Variants in SI observed in about 807,000 individuals in gnomAD.
The protein encoded by SI is sucrase-isomaltase, also known as sucrase-isomaltase, intestinal.
In SI, 235 loss-of-function variants were observed where a neutral mutation model predicts 253.3. That is an observed-to-expected ratio of 0.93 (90% CI 0.83 to 1.03). SI has a LOEUF of 1.03. Among genes scored for constraint, SI ranks in the 50% least tolerant of loss-of-function variants. The probability of loss-of-function intolerance (pLI) is 0.00; values close to 1 mark genes in which losing one functional copy is unlikely to be tolerated. For synonymous variants in SI, 819 were observed against 712.0 expected (o/e 1.15, Z -2.39); for missense variants, 2,442 against 2,211.1 (o/e 1.10, Z -2.09).
intron 25 of SI, among the ~76,000 whole-genome samples, chr3:165,028,508 C>A (rs1347647708): frequency 6.6e-6 from 1 of 151,356 alleles, no homozygotes; most frequent in Non-Finnish European, 1.5e-5. Flanking sequence ...AAGAACAAAT[C>A]TGGAGGCATC....
intron 37 of SI, among the ~76,000 whole-genome samples, chr3:165,001,950 A>T (rs1359196983): frequency 1.3e-5 from 2 of 151,548 alleles, no homozygotes; most frequent in African/African-American, 4.8e-5. Flanking sequence ...TATCTGCAAA[A>T]ATAATTTATA....
intron 12 of SI, among the ~76,000 whole-genome samples, chr3:165,058,468 C>G (rs1713810945): frequency 1.3e-5 from 2 of 151,600 alleles, no homozygotes; most frequent in South Asian, 4.2e-4. Context: ...GAAAAACAAA[C>G]AGTACAAAAC....
At chr3:165,040,089 T>G in intron 18 of SI, 118 bp from the exon 19 acceptor site, 2 of 785,718 alleles carry the variant, frequency 2.5e-6, no homozygotes, top group Non-Finnish European at 4.4e-6. Flanking sequence ...GAATTGTGCT[T>G]GTTTCAGATG....
At chr3:164,980,897 T>TA (rs1334427404) in intron 47 of SI, among the ~76,000 whole-genome samples, 2 of 152,016 alleles carry the variant, frequency 1.3e-5, no homozygotes, top group Admixed American at 6.6e-5. Context: ...AGATATTATC[T>TA]AAGCCAAACC....
At position 165,063,515 on chromosome 3, in the gene SI, T is replaced by C; in HGVS notation, c.834A>G (p.Gln278=). 3 of 1,540,648 alleles carry C rather than the reference T, an allele frequency of 1.9e-6. No homozygotes were observed. Among genetic ancestry groups the C allele is most frequent in the Admixed American group, 1.7e-5 (1 of 58,568 alleles). Residue 278 remains glutamine, a synonymous_variant, in exon 8 of 48, where the codon CAA becomes CAG. Coordinates refer to ENST00000264382, the MANE Select transcript of SI (RefSeq NM_001041.4). ...GDNNNNLYGH[Q]TFFMCIEDTS... is the part of the protein sequence containing the mutation. ...TATCTTCAATACACATAAAGAATGT[T>C]TGATGGCCGTATAAATTATTATTAT...
Position 165,017,805 on chromosome 3 carries a change from A to G in SI, c.3589T>C (p.Phe1197Leu). 6.2e-7 allele frequency: 1 copy of G among 1,613,164 alleles called. No homozygotes were observed. Among genetic ancestry groups the G allele is most frequent in the Non-Finnish European group, 8.5e-7 (1 of 1,179,382 alleles). The change falls in exon 30 of 48, where the codon TTT becomes CTT. Residue 1197 changes from phenylalanine to leucine, a missense_variant. Physicochemically the swap from Phe to Leu is conservative, Grantham distance 22 (BLOSUM62 0). Coordinates refer to ENST00000264382, the MANE Select transcript of SI (RefSeq NM_001041.4). ...TVGGILDFYMFLGPTPEVATK... is the reference protein window; with the variant it reads ...TVGGILDFYMLLGPTPEVATK... ...GCAACTTCTGGAGTTGGGCCCAAAA[A>G]CATATAAAAATCCAAGATCCCTCCA...
intron 13 of SI, among the ~76,000 whole-genome samples, chr3:165,054,821 G>T (rs772762344): frequency 2.6e-5 from 4 of 152,066 alleles, no homozygotes; most frequent in Non-Finnish European, 5.9e-5. Context: ...TGCTGCTGTT[G>T]CTTGACTGTT....
chr3:165,032,168 A>C (rs1576897791), intron 24 of SI, among the ~76,000 whole-genome samples: 1 of 151,324 alleles, frequency 6.6e-6, no homozygotes, highest in East Asian at 1.9e-4. Context: ...TAAAGCAGCT[A>C]AAACATTTGG....
In SI at chr3:164,979,015, T is replaced by C. The variant is rs2108102348; in HGVS notation, c.*347A>G. 6.2e-6 allele frequency: 1 copy of C among 160,682 alleles called. No homozygotes were observed. Among genetic ancestry groups the C allele is most frequent in the South Asian group, 1.8e-4 (1 of 5,632 alleles). The allele number at this position is 160,682 out of a possible 1,614,324, so 10.0% of individuals were successfully genotyped here. Reference sequence around the variant, plus strand: ...CTGCTAAACATTGAGAAAAATATAGTATATATAATTACATAAAAATTTTAT... The same window carrying C: ...CTGCTAAACATTGAGAAAAATATAGCATATATAATTACATAAAAATTTTAT... On this transcript the variant is annotated 3_prime_UTR_variant, in exon 48 of 48. Coordinates refer to ENST00000264382, the MANE Select transcript of SI (RefSeq NM_001041.4).
chr3:165,056,190 G>A (rs1180771539), intron 12 of SI, among the ~76,000 whole-genome samples: 3 of 152,132 alleles, frequency 2.0e-5, no homozygotes, highest in Non-Finnish European at 4.4e-5. Context: ...CAAAGCTGGT[G>A]TTAACATGTG....
intron 28 of SI, among the ~76,000 whole-genome samples, chr3:165,018,918 C>T (rs1391502848): frequency 6.6e-6 from 1 of 151,508 alleles, no homozygotes; most frequent in East Asian, 1.9e-4. Context: ...AAAATGCTTA[C>T]AATAGTTCAC....
chr3:165,002,588 T>A (rs1718304943), intron 37 of SI, among the ~76,000 whole-genome samples: 1 of 151,776 alleles, frequency 6.6e-6, no homozygotes, highest in Non-Finnish European at 1.5e-5. Context: ...AAAAAACGTG[T>A]GTTTATAATT....
At chr3:165,078,008 A>G (rs767353986) in intron 1 of SI, among the ~76,000 whole-genome samples, 1 of 151,594 alleles carries the variant, frequency 6.6e-6, no homozygotes, top group African/African-American at 2.4e-5. Context: ...AACTTGATGA[A>G]TGATCTTTAA....
chr3:165,003,910 A>G (rs1254811368), intron 37 of SI, among the ~76,000 whole-genome samples: 1 of 152,124 alleles, frequency 6.6e-6, no homozygotes, highest in African/African-American at 2.4e-5. Context: ...AAACAACTAG[A>G]AAACAAATAA....
chr3:165,032,681 A>G lies in SI; in HGVS notation c.2577T>C (p.Asp859=), dbSNP rs758188060. ...YTFSVSNNTL[D]IVCTHSSYQE... ...GATATGATGAATGTGTGCACACAATATCTAATGTGTTCTGAGAAAAATAGT... is the reference window on the plus strand; with the variant it reads ...GATATGATGAATGTGTGCACACAATGTCTAATGTGTTCTGAGAAAAATAGT... Residue 859 remains aspartate (D), a synonymous_variant, in exon 24 of 48, where the codon GAT becomes GAC. Coordinates refer to ENST00000264382, the MANE Select transcript of SI (RefSeq NM_001041.4). 6.3e-7 allele frequency: 1 copy of G among 1,599,022 alleles called. No homozygotes were observed. The highest frequency in any genetic ancestry group is 2.2e-5 in the East Asian group (1 of 44,462).
chr3:165,013,729 A>C (rs1258833848), intron 33 of SI, among the ~76,000 whole-genome samples: 2 of 152,190 alleles, frequency 1.3e-5, no homozygotes, highest in Non-Finnish European at 2.9e-5. Context: ...GGATTAGCTG[A>C]TGGTAGAGAA....
chr3:165,013,083 T>A (rs1718846245), intron 33 of SI, 41 bp from the exon 34 acceptor site: 1 of 1,253,972 alleles, frequency 8.0e-7, no homozygotes, highest in Non-Finnish European at 1.2e-6. Context: ...CAAAACATAG[T>A]CAGCATGATA....
chr3:164,990,498 T>A, intron 44 of SI, among the ~76,000 whole-genome samples: 1 of 152,150 alleles, frequency 6.6e-6, no homozygotes, highest in East Asian at 1.9e-4. Context: ...ATGGGTCTCT[T>A]GCATTTTTAT....
intron 47 of SI, among the ~76,000 whole-genome samples, chr3:164,981,605 T>A (rs754586031): frequency 3.3e-5 from 5 of 152,150 alleles, no homozygotes; most frequent in Non-Finnish European, 7.4e-5. Context: ...CTAAAACAGT[T>A]AGCTGTTTTC....
Sources: allele counts gnomAD v4.1 joint callset (sites outside exome capture counted in the v4.1 genomes callset), GRCh38; gene constraint gnomAD v4.1.1; transcripts MANE v1.5; gene names NCBI Gene and HGNC (gene_info 2026-07-23, HGNC 2026-07-21).